The following CADM2 variants were observed in gnomAD, a reference collection of about 807,000 sequenced individuals.
CADM2 encodes the protein cell adhesion molecule 2, also known as immunoglobulin superfamily member 4D.
In CADM2, 12 loss-of-function variants were observed where a neutral mutation model predicts 49.8. That is an observed-to-expected ratio of 0.24 (90% CI 0.15 to 0.39). The LOEUF is 0.39. Among genes scored for constraint, CADM2 ranks in the 10% least tolerant of loss-of-function variants. The probability of loss-of-function intolerance (pLI) is 1.00; values close to 1 mark genes in which losing one functional copy is unlikely to be tolerated. For missense variants in CADM2, 378 were observed against 492.3 expected, an observed-to-expected ratio of 0.77 and a Z score of 2.20; for synonymous variants, 214 against 175.4, an observed-to-expected ratio of 1.22 and a Z score of -1.74.
intron 3 of CADM2, among the ~76,000 whole-genome samples, chr3:85,806,189 A>G (rs2072405551): frequency 6.6e-6 from 1 of 150,832 alleles, no homozygotes; most frequent in Non-Finnish European, 1.5e-5. Flanking sequence ...GGAGGGAGGG[A>G]GGAAGGAAGG....
intron 5 of CADM2, among the ~76,000 whole-genome samples, chr3:85,906,908 T>C (rs1716878677): frequency 6.6e-6 from 1 of 152,206 alleles, no homozygotes; most frequent in Non-Finnish European, 1.5e-5. Flanking sequence ...CTAAGACAAA[T>C]TGCCTTTAAA....
chr3:85,688,268 A>G lies in CADM2; in HGVS notation c.62-38254A>G, dbSNP rs971592652. ...AATATTCAAAACTCAATAATATAAC[A>G]TCTACCCTTTTTGAAAATATGTAAA... On this transcript the variant is annotated intron_variant, in intron 1 of 9. Transcript: ENST00000383699. Among the ~76,000 whole-genome samples, 6 of 152,184 alleles carry G rather than the reference A, an allele frequency of 3.9e-5. No homozygotes were observed. In the East Asian group the frequency reaches 7.7e-4, roughly 20 times the overall value.
At chr3:84,971,834 T>G (rs2107094085) in intron 1 of CADM2, among the ~76,000 whole-genome samples, 1 of 152,174 alleles carries the variant, frequency 6.6e-6, no homozygotes, top group South Asian at 2.1e-4. Flanking sequence ...GGATATTTTC[T>G]CCCAGGAAAT....
At chr3:85,059,548 C>G (rs1370343993) in intron 1 of CADM2, among the ~76,000 whole-genome samples, 2 of 152,052 alleles carry the variant, frequency 1.3e-5, no homozygotes, top group Non-Finnish European at 2.9e-5. Context: ...TGTCTCCACC[C>G]AAATCTAATC....
rs929417386 is a variant in CADM2 at position 86,070,329 on chromosome 3, G to A, written c.*3546G>A. 1 of 151,910 alleles carries A rather than the reference G, an allele frequency of 6.6e-6. No individual in the cohort carries two copies. Among genetic ancestry groups the A allele is most frequent in the Non-Finnish European group, 1.5e-5 (1 of 67,868 alleles). The allele number at this position is 151,910 out of a possible 1,614,324, so 9.4% of individuals were successfully genotyped here. On this transcript the variant is annotated 3_prime_UTR_variant, in exon 10 of 10. Coordinates refer to ENST00000383699, the MANE Select transcript of CADM2 (RefSeq NM_001167675.2). Reference sequence around the variant, plus strand: ...GAGATTTCATATAGGCACATGTATAGCAGCTGTTTGACAGTGATGGCTCTT... The same window carrying A: ...GAGATTTCATATAGGCACATGTATAACAGCTGTTTGACAGTGATGGCTCTT...
At chr3:85,607,600 T>C (rs958814643) in intron 1 of CADM2, among the ~76,000 whole-genome samples, 1 of 152,146 alleles carries the variant, frequency 6.6e-6, no homozygotes, top group Non-Finnish European at 1.5e-5. Context: ...ATTATATGTC[T>C]GTATCACAAC....
At chr3:85,414,484 G>C (rs1421471131) in intron 1 of CADM2, among the ~76,000 whole-genome samples, 1 of 152,134 alleles carries the variant, frequency 6.6e-6, no homozygotes, top group East Asian at 1.9e-4. Context: ...TTTGTGGGTG[G>C]AAGCACCAAC....
intron 1 of CADM2, among the ~76,000 whole-genome samples, chr3:85,397,722 T>A (rs1402090316): frequency 1.3e-5 from 2 of 152,084 alleles, no homozygotes; most frequent in African/African-American, 4.8e-5. Flanking sequence ...TATTGAAGGC[T>A]GAGGGGGAGG....
chr3:85,238,421 GCAAA>G (rs1355611156), intron 1 of CADM2, among the ~76,000 whole-genome samples: 1 of 151,922 alleles, frequency 6.6e-6, no homozygotes, highest in South Asian at 2.1e-4. Flanking sequence ...AATCTGGAAA[GCAAA>G]CAGTGTGGTC....
At chr3:85,233,118 G>A (rs1280403183) in intron 1 of CADM2, among the ~76,000 whole-genome samples, 2 of 152,092 alleles carry the variant, frequency 1.3e-5, no homozygotes, top group African/African-American at 2.4e-5. Flanking sequence ...GCATATAACT[G>A]TATGAAAGAA....
At position 85,648,654 on chromosome 3, in the gene CADM2, T is replaced by G. The variant is rs1049869390; in HGVS notation, c.62-77868T>G. Among the ~76,000 whole-genome samples the G allele has an allele frequency of 2.2e-4, 33 of 152,002 alleles. 1 individual carries two copies. The highest frequency in any genetic ancestry group is 8.0e-4 in the African/African-American group (33 of 41,438). On this transcript the variant is annotated intron_variant, in intron 1 of 9. Coordinates refer to ENST00000383699, the MANE Select transcript of CADM2 (RefSeq NM_001167675.2). Reference sequence around the variant, plus strand: ...TTTATAGGAATGCTGTTAAAGAAATTTTTGTAGATTAATGTTATAGTCCTA... The same window carrying G: ...TTTATAGGAATGCTGTTAAAGAAATGTTTGTAGATTAATGTTATAGTCCTA...
At chr3:86,042,879 G>C (rs1415010233) in intron 8 of CADM2, among the ~76,000 whole-genome samples, 4 of 152,032 alleles carry the variant, frequency 2.6e-5, no homozygotes, top group East Asian at 1.9e-4. Context: ...AGCTTATCCA[G>C]CATGATCAAG....
intron 8 of CADM2, among the ~76,000 whole-genome samples, chr3:86,058,666 C>A (rs1454366944): frequency 1.1e-4 from 16 of 151,620 alleles, no homozygotes; most frequent in Non-Finnish European, 2.4e-4. Flanking sequence ...TAATCACTTT[C>A]TTTGTATAAA....
At chr3:85,946,559 C>A (rs1005666888) in intron 7 of CADM2, among the ~76,000 whole-genome samples, 5 of 151,950 alleles carry the variant, frequency 3.3e-5, no homozygotes, top group Non-Finnish European at 7.4e-5. Context: ...CAGCATGGTA[C>A]TGGTACCAAA....
chr3:85,456,496 A>G (rs189697021), intron 1 of CADM2, among the ~76,000 whole-genome samples: 1 of 152,206 alleles, frequency 6.6e-6, no homozygotes, highest in Admixed American at 6.5e-5. Flanking sequence ...GTCTTAAGCA[A>G]GTTTCCAAAA....
At chr3:85,353,175 A>T (rs1436405816) in intron 1 of CADM2, among the ~76,000 whole-genome samples, 3 of 152,098 alleles carry the variant, frequency 2.0e-5, no homozygotes, top group Non-Finnish European at 4.4e-5. Context: ...GGAATATGTC[A>T]TTGACTAGAA....
chr3:86,013,080 G>A (rs1370614549), intron 8 of CADM2: 1 of 1,305,736 alleles, frequency 7.7e-7, no homozygotes, highest in Non-Finnish European at 1.1e-6. Flanking sequence ...AGTTCTTCGA[G>A]ATAATGCAAT....
intron 1 of CADM2, among the ~76,000 whole-genome samples, chr3:85,265,596 C>T (rs1006520911): frequency 9.9e-5 from 15 of 152,102 alleles, no homozygotes; most frequent in Non-Finnish European, 1.9e-4. Flanking sequence ...GGGCAGAGCC[C>T]TCATGAACTA....
chr3:85,973,948 G>A (rs949453587), intron 8 of CADM2, among the ~76,000 whole-genome samples: 9 of 151,752 alleles, frequency 5.9e-5, no homozygotes, highest in African/African-American at 2.2e-4. Flanking sequence ...GCTGAGATGT[G>A]AGAGTAGCAT....
Sources: allele counts gnomAD v4.1 joint callset (sites outside exome capture counted in the v4.1 genomes callset), GRCh38; gene constraint gnomAD v4.1.1; transcripts MANE v1.5; gene names NCBI Gene and HGNC (gene_info 2026-07-23, HGNC 2026-07-21).